The following P4HA1 variants were observed in gnomAD, a reference collection of about 807,000 sequenced individuals.
P4HA1 encodes the protein prolyl 4-hydroxylase subunit alpha 1.
In P4HA1, 24 loss-of-function variants were observed where a neutral mutation model predicts 72.8. That is an observed-to-expected ratio of 0.33 (90% CI 0.24 to 0.46). The LOEUF (loss-of-function observed/expected upper bound fraction) is 0.46. Ranked by LOEUF, P4HA1 falls within the 20% of genes least tolerant of loss-of-function variation. The pLI, the probability that P4HA1 is intolerant of heterozygous loss-of-function variation, is 1.00. For missense variants in P4HA1, 446 were observed against 640.6 expected, an observed-to-expected ratio of 0.70 and a Z score of 3.28; for synonymous variants, 201 against 218.8, an observed-to-expected ratio of 0.92 and a Z score of 0.72.
intron 1 of P4HA1, among the ~76,000 whole-genome samples, chr10:73,082,775 T>C (rs1352263189): frequency 6.6e-6 from 1 of 152,176 alleles, no homozygotes; most frequent in Non-Finnish European, 1.5e-5. Flanking sequence ...ACTTTTAATG[T>C]TTCTGACAGT....
intron 7 of P4HA1, among the ~76,000 whole-genome samples, chr10:73,047,549 CAAAAAAAAA>C (rs1167975608): frequency 9.1e-4 from 54 of 59,118 alleles, no homozygotes; most frequent in African/African-American, 2.3e-3. Context: ...ATGCTTGTGG[CAAAAAAAAA>C]AAAAAAAAAA....
intron 9 of P4HA1, chr10:73,043,961 C>A: frequency 6.2e-7 from 1 of 1,607,078 alleles, no homozygotes; most frequent in African/African-American, 1.3e-5. Context: ...GGCTCAGCTA[C>A]AAAAAAAGAG....
chr10:73,052,708 A>AT (rs1416523059), intron 6 of P4HA1, among the ~76,000 whole-genome samples: 1 of 152,174 alleles, frequency 6.6e-6, no homozygotes, highest in Non-Finnish European at 1.5e-5. Context: ...TGTAAAAATA[A>AT]TTTTTAAAGT....
chr10:73,029,214 G>A (rs1589585624), intron 10 of P4HA1, among the ~76,000 whole-genome samples: 1 of 150,298 alleles, frequency 6.7e-6, no homozygotes, highest in African/African-American at 2.4e-5. Flanking sequence ...GAGTTCAAGA[G>A]CAGCCTGGCC....
intron 5 of P4HA1, among the ~76,000 whole-genome samples, chr10:73,067,745 T>A (rs559882586): frequency 6.6e-6 from 1 of 152,294 alleles, no homozygotes; most frequent in Non-Finnish European, 1.5e-5. Context: ...TTAATGTGTA[T>A]CTTCCAGGAA....
intron 5 of P4HA1, among the ~76,000 whole-genome samples, chr10:73,059,502 G>A (rs1589610558): frequency 7.0e-6 from 1 of 142,456 alleles, no homozygotes; most frequent in Non-Finnish European, 1.5e-5. Context: ...CCAGCACTTT[G>A]GGAGGCCAAG....
chr10:73,025,681 T>C (rs1035741710), intron 10 of P4HA1, among the ~76,000 whole-genome samples: 1 of 152,170 alleles, frequency 6.6e-6, no homozygotes, highest in Non-Finnish European at 1.5e-5. Context: ...TTGTCCCTGT[T>C]TGCAGATGAC....
chr10:73,007,896 A>G lies in P4HA1; in HGVS notation c.*326T>C. ...GCTTAACACCCACCAACTGAGATGT[A>G]GTGAAATACTAAAACTGGATGCTCA... On this transcript the variant is annotated 3_prime_UTR_variant, in exon 15 of 15. Coordinates refer to ENST00000394890, the MANE Select transcript of P4HA1 (RefSeq NM_001017962.3). The G allele has an allele frequency of 4.8e-6, 1 of 209,392 alleles. No individual in the cohort carries two copies. Among genetic ancestry groups the G allele is most frequent in the Non-Finnish European group, 9.7e-6 (1 of 102,722 alleles). The allele number at this position is 209,392 out of a possible 1,614,324, so 13.0% of individuals were successfully genotyped here. A position where few individuals can be genotyped will look rare whatever the true frequency, so the allele number is the denominator to read the frequency against.
intron 10 of P4HA1, among the ~76,000 whole-genome samples, chr10:73,017,719 G>A (rs1364026225): frequency 1.3e-5 from 2 of 152,076 alleles, no homozygotes; most frequent in African/African-American, 2.4e-5. Flanking sequence ...AGTTGCTTAC[G>A]ACAATGTCCC....
rs1289519001 is a variant in P4HA1, at chr10:73,068,912, C to T, written c.397G>A (p.Ala133Thr). ...TAGGTATCCTGGAGACGTAACAGAG[C>T]TTTGGCTGCCCCAACCTGATCTTCA... ...NDEDQVGAAK[A>T]LLRLQDTYNL... The change falls in exon 5 of 15, where the codon GCT becomes ACT. Residue 133 changes from alanine (A) to threonine (T), a missense_variant. Coordinates refer to ENST00000394890, the MANE Select transcript of P4HA1 (RefSeq NM_001017962.3). The T allele has an allele frequency of 6.2e-7, 1 of 1,611,964 alleles. No homozygotes were observed. The highest frequency in any genetic ancestry group is 8.5e-7 in the Non-Finnish European group (1 of 1,178,318).
chr10:73,091,167 C>CAAAAAAAA (rs1461916288), intron 1 of P4HA1, among the ~76,000 whole-genome samples: 1 of 143,144 alleles, frequency 7.0e-6, no homozygotes, highest in African/African-American at 2.7e-5. Context: ...CTGAGTTTAC[C>CAAAAAAAA]AAAAAAATAA....
At position 73,030,335 on chromosome 10, in the gene P4HA1, G is replaced by A; in HGVS notation, c.1184C>T (p.Ser395Phe). 1 of 1,578,270 alleles carries A rather than the reference G, an allele frequency of 6.3e-7. No individual in the cohort carries two copies. Among genetic ancestry groups the A allele is most frequent in the Non-Finnish European group, 8.7e-7 (1 of 1,155,430 alleles). Residue 395 changes from serine to phenylalanine, a missense_variant, in exon 10 of 15, where the codon TCT (serine) becomes TTT (phenylalanine). Ser to Phe is a radical substitution (Grantham distance 155). Transcript: ENST00000394890. ...WLSGYENPVVSRINMRIQDLT... is the reference protein window; with the variant it reads ...WLSGYENPVVFRINMRIQDLT... ...ATCTTGTATTCTCATATTAATTCGA[G>A]ACACCACAGGATTTTCATAGCCAGA...
chr10:73,010,897 G>GA (rs1839898054), intron 13 of P4HA1, 72 bp downstream of exon 13: 2 of 1,027,018 alleles, frequency 1.9e-6, no homozygotes, highest in Admixed American at 3.9e-5. Flanking sequence ...TCATTAATTA[G>GA]ACCATGAATA....
chr10:73,012,705 A>C (rs2133032269), intron 12 of P4HA1, among the ~76,000 whole-genome samples: 2 of 152,330 alleles, frequency 1.3e-5, no homozygotes, highest in South Asian at 4.1e-4. Flanking sequence ...TACTACAGAC[A>C]ACAAAAAGAT....
In P4HA1 at chr10:73,073,742, T is replaced by C. The variant is rs1416399185; in HGVS notation, c.162A>G (p.Glu54=). 1.3e-6 allele frequency: 2 copies of C among 1,488,926 alleles called. No homozygotes were observed. Among genetic ancestry groups the C allele is most frequent in the Non-Finnish European group, 1.9e-6 (2 of 1,066,106 alleles). 92.2% of individuals were successfully genotyped at this position (1,488,926 alleles called of 1,614,324 possible). ...DYIKAEEDKL[E]QIKKWAEKLD... ...AACATTTTGCTTACTTTTTTATTTG[T>C]TCTAACTTGTCCTCTTCTGCCTTAA... Residue 54 remains glutamate, a synonymous_variant, in exon 3 of 15, where the codon GAA becomes GAG. Transcript: ENST00000394890.
chr10:73,026,024 T>C (rs1270711461), intron 10 of P4HA1, among the ~76,000 whole-genome samples: 9 of 152,130 alleles, frequency 5.9e-5, no homozygotes, highest in Non-Finnish European at 1.2e-4. Flanking sequence ...AAAATGGCCA[T>C]ACTGCCCAAG....
At chr10:73,008,313 A>G in intron 14 of P4HA1, 21 bp from the exon 15 acceptor site, 1 of 1,453,970 alleles carries the variant, frequency 6.9e-7, no homozygotes, top group East Asian at 2.3e-5. Context: ...AAAGTAATAT[A>G]TTAATTTTCC....
chr10:73,044,328 A>T (rs1025957290), intron 9 of P4HA1, among the ~76,000 whole-genome samples: 3 of 152,142 alleles, frequency 2.0e-5, no homozygotes, highest in African/African-American at 7.2e-5. Context: ...CATTTTTCAA[A>T]CCTCTCACTG....
At chr10:73,059,700 G>A (rs1050696506) in intron 5 of P4HA1, among the ~76,000 whole-genome samples, 14 of 150,962 alleles carry the variant, frequency 9.3e-5, no homozygotes, top group African/African-American at 2.4e-4. Flanking sequence ...CTGAGATCAC[G>A]CCACTGCACT....
Sources: gnomAD v4.1 joint callset for allele counts (sites outside exome capture counted in the v4.1 genomes callset) on GRCh38, gnomAD v4.1.1 for gene constraint, MANE v1.5 for transcripts, NCBI Gene and HGNC (gene_info 2026-07-23, HGNC 2026-07-21) for gene names.